LMO2: variants seen among roughly 807,000 people sequenced by gnomAD.
LMO2 encodes the protein rhombotin-2.
A neutral mutation model predicts 23.2 loss-of-function variants in LMO2; 20 were observed. The observed-to-expected ratio is 0.86, with a 90% CI of 0.61 to 1.25. LMO2 has a LOEUF of 1.25. Among genes scored for constraint, LMO2 ranks in the 50% most tolerant of loss-of-function variants. LMO2 has a pLI of 0.00. For synonymous variants in LMO2, 123 were observed against 130.2 expected, an observed-to-expected ratio of 0.94 and a Z score of 0.38; for missense variants, 270 against 315.3, an observed-to-expected ratio of 0.86 and a Z score of 1.09.
At position 33,864,169 on chromosome 11, in the gene LMO2, C is replaced by T. The variant is rs1024284874; in HGVS notation, c.464+433G>A. Among the ~76,000 whole-genome samples the T allele has an allele frequency of 5.3e-5, 8 of 151,822 alleles. No homozygotes were observed. The highest frequency in any genetic ancestry group is 2.1e-4 in the South Asian group (1 of 4,812). ...CTCATCATATAATACTGGAGTCATACAAAAAAAATTTATAACATACATATA... is the reference window on the plus strand; with the variant it reads ...CTCATCATATAATACTGGAGTCATATAAAAAAAATTTATAACATACATATA... On this transcript the variant is annotated intron_variant, in intron 5 of 5. Transcript: ENST00000257818. This position sits in a 1 kb window ranked among gnomAD's most constrained non-coding sequence, Gnocchi z 4.8.
chr11:33,889,885 TCAACCTAAGTGTC>T lies in LMO2; in HGVS notation c.-336+1897_-336+1909del, dbSNP rs1333163258. 3.3e-5 allele frequency among the ~76,000 whole-genome samples: 5 copies of T among 152,334 alleles called. No homozygotes were observed. The East Asian group carries it at 9.6e-4, about 29-fold the overall frequency. On this transcript the variant is annotated intron_variant, in intron 1 of 5. Transcript: ENST00000257818. ...TAGTCACAATAGCAAAGATGTGGAA[TCAACCTAAGTGTC>T]CATCAATGGATGATTGGATTTAAAA...
intron 2 of LMO2, among the ~76,000 whole-genome samples, chr11:33,878,028 C>T (rs570548515): frequency 1.6e-4 from 25 of 152,328 alleles, no homozygotes; most frequent in African/African-American, 3.8e-4. Flanking sequence ...AGTTCCCTAT[C>T]GTCCATGACC....
chr11:33,889,065 G>T (rs185671887), intron 1 of LMO2, among the ~76,000 whole-genome samples: 1 of 152,284 alleles, frequency 6.6e-6, no homozygotes, highest in Non-Finnish European at 1.5e-5. Context: ...CTGAGAAAAT[G>T]GATCTTTAAT....
intron 1 of LMO2, 81 bp downstream of exon 1, chr11:33,891,714 C>T (rs1311453716): frequency 1.3e-5 from 2 of 152,214 alleles, no homozygotes; most frequent in African/African-American, 4.8e-5. Flanking sequence ...AATTTAATCA[C>T]CACTTCTTCT....
Position 33,864,734 on chromosome 11 carries a change from A to G in LMO2, c.332T>C (p.Phe111Ser). 1 of 1,613,968 alleles carries G rather than the reference A, an allele frequency of 6.2e-7. No individual in the cohort carries two copies. The change falls in exon 5 of 6, where the codon TTC (phenylalanine) becomes TCC (serine). Residue 111 changes from phenylalanine (F) to serine (S), a missense_variant. Transcript: ENST00000257818. This position sits in a 1 kb window ranked among gnomAD's most constrained non-coding sequence, Gnocchi z 4.8. ...GCQQNIGDRY[F>S]LKAIDQYWHE... ...CCAGTACTGGTCGATGGCCTTCAGG[A>G]AGTAGCGGTCCCCAATGTTCTGCTG...
At chr11:33,863,037 G>A (rs938292437) in intron 5 of LMO2, among the ~76,000 whole-genome samples, 1 of 151,982 alleles carries the variant, frequency 6.6e-6, no homozygotes, top group Admixed American at 6.6e-5. Flanking sequence ...TAAAACGGTA[G>A]AGATAGGGAG....
chr11:33,876,695 C>T (rs1245264770), intron 2 of LMO2, among the ~76,000 whole-genome samples: 1 of 152,192 alleles, frequency 6.6e-6, no homozygotes, highest in Non-Finnish European at 1.5e-5. Flanking sequence ...CACTGCAGAA[C>T]CTCTACCCTC....
chr11:33,883,463 T>A (rs554654039), intron 1 of LMO2, among the ~76,000 whole-genome samples: 4 of 152,298 alleles, frequency 2.6e-5, no homozygotes, highest in African/African-American at 9.6e-5. Context: ...TAAAATGCAA[T>A]CACTTCTTTC....
chr11:33,870,627 G>C (rs952707936), intron 2 of LMO2: 1 of 950,038 alleles, frequency 1.1e-6, no homozygotes, highest in Non-Finnish European at 1.3e-6. Flanking sequence ...GGGACCACGC[G>C]GGGCCGGGGC....
At position 33,869,875 on chromosome 11, in the gene LMO2, C is replaced by A. The variant is rs1431513452; in HGVS notation, c.-159G>T. ...CTCGCCGCCGAGGGCAGAGAGGGGGCGGCGGCCTAGGGGCGGGGAGGGGAC... is the reference window on the plus strand; with the variant it reads ...CTCGCCGCCGAGGGCAGAGAGGGGGAGGCGGCCTAGGGGCGGGGAGGGGAC... On this transcript the variant is annotated 5_prime_UTR_variant, in exon 3 of 6. Transcript: ENST00000257818. The A allele has an allele frequency of 5.7e-6, 6 of 1,051,108 alleles. No individual in the cohort carries two copies. Among genetic ancestry groups the A allele is most frequent in the Non-Finnish European group, 5.7e-6 (5 of 872,712 alleles). The allele number at this position is 1,051,108 out of a possible 1,614,324, so 65.1% of individuals were successfully genotyped here.
At position 33,875,438 on chromosome 11, in the gene LMO2, C is replaced by T. The variant is rs554873204; in HGVS notation, c.-271-5451G>A. Among the ~76,000 whole-genome samples, 55 of 152,042 alleles carry T rather than the reference C, an allele frequency of 3.6e-4. 1 individual carries two copies. In the South Asian group the frequency reaches 1.0e-2, roughly 28 times the overall value. ...ACTAAAAATACAAAAACTAGCCAAG[C>T]GAGGTGGCTGACGCCTGTAATCCCA... On this transcript the variant is annotated intron_variant, in intron 2 of 5. Transcript: ENST00000257818.
At chr11:33,885,299 C>G (rs1857379608) in intron 1 of LMO2, among the ~76,000 whole-genome samples, 1 of 152,168 alleles carries the variant, frequency 6.6e-6, no homozygotes, top group African/African-American at 2.4e-5. Context: ...TAGGAAGATA[C>G]AAGCATAGGC....
chr11:33,887,728 T>TTTTG (rs755135553), intron 1 of LMO2, among the ~76,000 whole-genome samples: 3 of 152,114 alleles, frequency 2.0e-5, no homozygotes, highest in Admixed American at 6.5e-5. Flanking sequence ...TTGTTTTGTT[T>TTTTG]TTTGTTTGTT....
At position 33,887,123 on chromosome 11, in the gene LMO2, G is replaced by A. The variant is rs540462299; in HGVS notation, c.-336+4672C>T. Among the ~76,000 whole-genome samples the A allele has an allele frequency of 3.3e-5, 5 of 152,380 alleles. No individual in the cohort carries two copies. In the East Asian group the frequency reaches 9.6e-4, roughly 29 times the overall value. On this transcript the variant is annotated intron_variant, in intron 1 of 5. Coordinates refer to ENST00000257818, the MANE Select transcript of LMO2 (RefSeq NM_005574.4). ...CAGAACTAGTAAGTGTAAAATGAGG[G>A]CATTTTATTATGGATGAGGGGCCCA...
intron 2 of LMO2, chr11:33,881,066 C>A (rs3740619): frequency 0.24 from 96,564 of 400,024 alleles, 12,670 homozygotes; most frequent in Middle Eastern, 0.34. Context: ...CTGAGAATCC[C>A]ATACTTAGAG....
rs1050146164 is a variant in LMO2, at chr11:33,864,413, T to C, written c.464+189A>G. ...AGGAACGTAACCCTGAGAACATGCTTCTCAAACAGGAAGAAATGCCCTCTG... is the reference window on the plus strand; with the variant it reads ...AGGAACGTAACCCTGAGAACATGCTCCTCAAACAGGAAGAAATGCCCTCTG... On this transcript the variant is annotated intron_variant, in intron 5 of 5. Transcript: ENST00000257818. This position sits in a 1 kb window ranked among gnomAD's most constrained non-coding sequence, Gnocchi z 4.8. Among the ~76,000 whole-genome samples, 2 of 152,156 alleles carry C rather than the reference T, an allele frequency of 1.3e-5. No homozygotes were observed. Among genetic ancestry groups the C allele is most frequent in the African/African-American group, 4.8e-5 (2 of 41,442 alleles).
rs1291841311 is a variant in LMO2, at chr11:33,869,818, C to G, written c.-102G>C. 1 of 1,088,320 alleles carries G rather than the reference C, an allele frequency of 9.2e-7. No individual in the cohort carries two copies. Among genetic ancestry groups the G allele is most frequent in the African/African-American group, 1.7e-5 (1 of 59,546 alleles). The allele number at this position is 1,088,320 out of a possible 1,614,324, so 67.4% of individuals were successfully genotyped here. A position where few individuals can be genotyped will look rare whatever the true frequency, so the allele number is the denominator to read the frequency against. On this transcript the variant is annotated 5_prime_UTR_variant, in exon 3 of 6. Transcript: ENST00000257818. ...GCGCCCGCCCGGCCGCCCGGAGCCC[C>G]TCGCACCTTCGGCCCGGGTCGCGGC... is the stretch of plus-strand genomic sequence containing the variant.
intron 2 of LMO2, among the ~76,000 whole-genome samples, chr11:33,877,937 C>T (rs1857175968): frequency 6.6e-6 from 1 of 152,046 alleles, no homozygotes; most frequent in African/African-American, 2.4e-5. Flanking sequence ...TTCAGTCACC[C>T]CTCATGTGTT....
intron 2 of LMO2, among the ~76,000 whole-genome samples, chr11:33,872,937 ATT>A (rs1196312738): frequency 6.6e-6 from 1 of 151,652 alleles, no homozygotes; most frequent in African/African-American, 2.4e-5. Flanking sequence ...AATTTTTTGT[ATT>A]TTTAGTAGAG....
Sources: allele counts gnomAD v4.1 joint callset (sites outside exome capture counted in the v4.1 genomes callset), GRCh38; gene constraint gnomAD v4.1.1; non-coding constraint Gnocchi (gnomAD v3.1); transcripts MANE v1.5; gene names NCBI Gene and HGNC (gene_info 2026-07-23, HGNC 2026-07-21).